The following HDHD2 variants were observed in gnomAD, a reference collection of about 807,000 sequenced individuals.
The protein encoded by HDHD2 is haloacid dehalogenase-like hydrolase domain-containing protein 2.
In HDHD2, 26 loss-of-function variants were observed where a neutral mutation model predicts 24.8. The observed-to-expected ratio is 1.05, with a 90% CI of 0.77 to 1.45. HDHD2 has a LOEUF of 1.45. HDHD2 is among the 40% of genes most tolerant of loss of function. The pLI is 0.00. For missense variants in HDHD2, 299 were observed against 313.4 expected (o/e 0.95, Z 0.35); for synonymous variants, 128 against 114.9 (o/e 1.11, Z -0.73).
chr18:47,134,110 G>A (rs2144351924), intron 3 of HDHD2, among the ~76,000 whole-genome samples: 1 of 152,270 alleles, frequency 6.6e-6, no homozygotes, highest in East Asian at 1.9e-4. Context: ...ATGGTTTTAT[G>A]ATCTGTGTTT....
At chr18:47,142,311 T>C (rs1036765900) in intron 1 of HDHD2, among the ~76,000 whole-genome samples, 3 of 152,160 alleles carry the variant, frequency 2.0e-5, no homozygotes, top group African/African-American at 7.2e-5. Context: ...AAAAATTTTC[T>C]TTCCTGTTAA....
Position 47,108,785 on chromosome 18 carries a change from C to T in HDHD2, c.677G>A (p.Gly226Glu). 1.9e-6 allele frequency: 3 copies of T among 1,590,740 alleles called. No homozygotes were observed. The highest frequency in any genetic ancestry group is 8.6e-7 in the Non-Finnish European group (1 of 1,160,292). Reference protein sequence around the residue: ...VGMLGILVKTGKYRASDEEKI... With the variant: ...VGMLGILVKTEKYRASDEEKI... The stretch of plus-strand genomic sequence containing the variant: ...TTCTTCATCTGATGCTCGATATTTC[C>T]CTGAAATGAAAGTAAAGCCAGTAAA... Residue 226 changes from glycine (G) to glutamate (E), a missense_variant and splice_region_variant, in exon 7 of 7, where the codon GGG becomes GAG. By Grantham distance (98) the Gly-to-Glu change is moderately conservative. Transcript: ENST00000300605.
chr18:47,116,791 T>C (rs1368800932), intron 4 of HDHD2, among the ~76,000 whole-genome samples: 2 of 152,228 alleles, frequency 1.3e-5, no homozygotes, highest in Non-Finnish European at 2.9e-5. Flanking sequence ...GAATTCTTTA[T>C]GCAACAGACC....
intron 6 of HDHD2, chr18:47,111,700 G>C (rs1457204448): frequency 2.0e-6 from 2 of 985,280 alleles, no homozygotes; most frequent in African/African-American, 1.7e-5. Context: ...CAGGCCCCAG[G>C]AGCAAGCAGA....
intron 6 of HDHD2, 129 bp downstream of exon 6, chr18:47,112,848 A>T: frequency 1.4e-6 from 1 of 722,942 alleles, no homozygotes; most frequent in Non-Finnish European, 2.3e-6. Context: ...AAGCTGTTTT[A>T]TTTTTGCTTT....
chr18:47,124,306 T>C (rs898150867), intron 4 of HDHD2, among the ~76,000 whole-genome samples: 8 of 152,124 alleles, frequency 5.3e-5, no homozygotes, highest in African/African-American at 1.9e-4. Flanking sequence ...TACATCAAAA[T>C]TAAGAACCTG....
chr18:47,116,623 C>T (rs940845459), intron 4 of HDHD2, among the ~76,000 whole-genome samples: 2 of 152,174 alleles, frequency 1.3e-5, no homozygotes, highest in African/African-American at 4.8e-5. Flanking sequence ...CTTAAAGCTG[C>T]TCTTGAAATA....
chr18:47,129,688 C>T (rs571553029), intron 4 of HDHD2, among the ~76,000 whole-genome samples: 1 of 152,262 alleles, frequency 6.6e-6, no homozygotes, highest in Non-Finnish European at 1.5e-5. Context: ...GAGGTAGAAT[C>T]GCATTTATTG....
chr18:47,150,187 G>C (rs996187462), intron 1 of HDHD2, 191 bp downstream of exon 1: 1 of 152,332 alleles, frequency 6.6e-6, no homozygotes, highest in South Asian at 2.1e-4. Context: ...GCGCACGCGC[G>C]GGGCCACTGC....
In HDHD2 at chr18:47,134,634, C is replaced by A; in HGVS notation, c.172G>T (p.Glu58Ter). 1 of 1,614,116 alleles carries A rather than the reference C, an allele frequency of 6.2e-7. No individual in the cohort carries two copies. The highest frequency in any genetic ancestry group is 8.5e-7 in the Non-Finnish European group (1 of 1,179,958). Reference sequence around the variant, plus strand: ...TCAAATTCCAATTTTCTCAACCTTTCTAACAGGTCTTGCTTGCTCTCTTTG... The same window carrying A: ...TCAAATTCCAATTTTCTCAACCTTTATAACAGGTCTTGCTTGCTCTCTTTG... ...TTKESKQDLL[E>*]RLRKLEFDIS... The change falls in exon 3 of 7, where the codon GAA becomes TAA. Residue 58 changes from glutamate (E) to a stop codon, truncating the protein, a stop_gained. Transcript: ENST00000300605. LOFTEE classifies it high-confidence loss of function.
chr18:47,130,693 A>G (rs1249658255), intron 3 of HDHD2, among the ~76,000 whole-genome samples: 1 of 152,222 alleles, frequency 6.6e-6, no homozygotes, highest in African/African-American at 2.4e-5. Context: ...AATAACTGCC[A>G]TGAGTTCCCT....
intron 2 of HDHD2, among the ~76,000 whole-genome samples, chr18:47,135,012 A>G (rs2063750640): frequency 6.6e-6 from 1 of 152,216 alleles, no homozygotes; most frequent in African/African-American, 2.4e-5. Context: ...GAGTCAAGAT[A>G]AAGTCCAACC....
At chr18:47,141,426 C>A (rs1340706078) in intron 1 of HDHD2, among the ~76,000 whole-genome samples, 6 of 152,156 alleles carry the variant, frequency 3.9e-5, no homozygotes, top group Admixed American at 1.3e-4. Flanking sequence ...CAGTATTTTT[C>A]CCTTTCACAT....
At chr18:47,109,038 C>A in intron 6 of HDHD2, 1 of 452,500 alleles carries the variant, frequency 2.2e-6, no homozygotes, top group Non-Finnish European at 3.9e-6. Context: ...GATCGTCTGA[C>A]AGCTAAGATT....
chr18:47,113,123 G>C, intron 5 of HDHD2, 83 bp from the exon 6 acceptor site: 4 of 1,149,306 alleles, frequency 3.5e-6, no homozygotes, highest in Non-Finnish European at 3.9e-6. Flanking sequence ...TATTAGGCTA[G>C]GGTGTCCAAC....
At chr18:47,139,464 CAAAAAAAAA>C (rs760347919) in intron 1 of HDHD2, among the ~76,000 whole-genome samples, 7 of 50,476 alleles carry the variant, frequency 1.4e-4, no homozygotes, top group Admixed American at 8.8e-4. Flanking sequence ...GACTCTGTCT[CAAAAAAAAA>C]AAAAAAAAAA....
At chr18:47,137,087 G>A in intron 1 of HDHD2, 1 of 731,098 alleles carries the variant, frequency 1.4e-6, no homozygotes, top group East Asian at 2.6e-5. Context: ...GAAGGTGGCA[G>A]GGCAGAATGG....
intron 3 of HDHD2, among the ~76,000 whole-genome samples, chr18:47,131,497 C>G (rs72905500): frequency 0.032 from 4,945 of 152,260 alleles, 90 homozygotes; most frequent in Non-Finnish European, 0.041. Context: ...CTCCAAAGAA[C>G]TACAGTGGGA....
intron 1 of HDHD2, among the ~76,000 whole-genome samples, chr18:47,147,046 CTT>C (rs766357370): frequency 7.9e-5 from 12 of 152,140 alleles, no homozygotes; most frequent in South Asian, 4.2e-4. Context: ...AAAAATGAGT[CTT>C]ATATTTTAGT....
Sources: allele counts gnomAD v4.1 joint callset (sites outside exome capture counted in the v4.1 genomes callset), GRCh38; gene constraint gnomAD v4.1.1; transcripts MANE v1.5; gene names NCBI Gene and HGNC (gene_info 2026-07-23, HGNC 2026-07-21).